The following NIPA2 variants were observed in gnomAD, a reference collection of about 807,000 sequenced individuals.
The protein encoded by NIPA2 is NIPA magnesium transporter 2, also known as magnesium transporter NIPA2.
In NIPA2, 11 loss-of-function variants were observed where a neutral mutation model predicts 29.7. The observed-to-expected ratio is 0.37, with a 90% confidence interval of 0.23 to 0.61. The LOEUF is 0.61. Ranked by LOEUF, NIPA2 falls within the 20% of genes least tolerant of loss-of-function variation. The pLI, the probability that NIPA2 is intolerant of heterozygous loss-of-function variation, is 0.66. For missense variants in NIPA2, 426 were observed against 437.9 expected (o/e 0.97, Z 0.24); for synonymous variants, 183 against 161.9 (o/e 1.13, Z -0.99).
At chr15:22,847,621 C>T (rs988263311) in intron 3 of NIPA2, among the ~76,000 whole-genome samples, 4 of 151,914 alleles carry the variant, frequency 2.6e-5, no homozygotes, top group East Asian at 3.9e-4. Flanking sequence ...CCCGCCACTG[C>T]GCCAGCTAAT....
chr15:22,866,284 GGACA>G lies in NIPA2; in HGVS notation c.525_528del (p.Asn177PhefsTer5), dbSNP rs1566875909. On this transcript the variant is annotated frameshift_variant, in exon 8 of 8. Coordinates refer to ENST00000337451, the MANE Select transcript of NIPA2 (RefSeq NM_030922.7). LOFTEE classifies it high-confidence loss of function. ...AATCTTCGTGGTGGGTCCTCGCCATGGACAGACAAACATTCTTGTGTACATAACA... is the reference window on the plus strand; with the variant it reads ...AATCTTCGTGGTGGGTCCTCGCCATGGACAAACATTCTTGTGTACATAACA... The G allele has an allele frequency of 4.3e-6, 7 of 1,613,892 alleles. No homozygotes were observed. The highest frequency in any genetic ancestry group is 2.2e-5 in the East Asian group (1 of 44,872).
rs142109995 is a variant in NIPA2, at chr15:22,858,002, C to T, written c.197-538C>T. On this transcript the variant is annotated intron_variant, in intron 5 of 7. Coordinates refer to ENST00000337451, the MANE Select transcript of NIPA2 (RefSeq NM_030922.7). ...CCTTATGTCAGCATGAGCTAGATTT[C>T]TTCCGTTAGATTTACAGATATGTGT... Among the ~76,000 whole-genome samples the T allele has an allele frequency of 2.2e-3, 338 of 152,266 alleles. 1 individual carries two copies. The highest frequency in any genetic ancestry group is 7.6e-3 in the African/African-American group (317 of 41,546).
At position 22,868,231 on chromosome 15, in the gene NIPA2, A is replaced by G. The variant is rs2059277518; in HGVS notation, c.*1384A>G. 6.6e-6 allele frequency: 1 copy of G among 152,188 alleles called. No individual in the cohort carries two copies. Among genetic ancestry groups the G allele is most frequent in the Non-Finnish European group, 1.5e-5 (1 of 68,036 alleles). The allele number at this position is 152,188 out of a possible 1,614,324, so 9.4% of individuals were successfully genotyped here. A position where few individuals can be genotyped will look rare whatever the true frequency, so the allele number is the denominator to read the frequency against. ...ATGTTTTTTCTAACTGCCTCCTCCCATGCCATTTTAATACTACAGATGTAC... is the reference window on the plus strand; with the variant it reads ...ATGTTTTTTCTAACTGCCTCCTCCCGTGCCATTTTAATACTACAGATGTAC... On this transcript the variant is annotated 3_prime_UTR_variant, in exon 8 of 8. Coordinates refer to ENST00000337451, the MANE Select transcript of NIPA2 (RefSeq NM_030922.7).
Position 22,843,520 on chromosome 15 carries a change from A to G in NIPA2, c.-215-1626A>G, listed in dbSNP as rs113569926. On this transcript the variant is annotated intron_variant, in intron 2 of 7. Transcript: ENST00000337451. ...GACTCCATCTAAAAAAAAAAAAAAA[A>G]TCTCTGGACCTGGTTCCTCATTGTG... 2.0e-5 allele frequency among the ~76,000 whole-genome samples: 3 copies of G among 149,042 alleles called. 1 individual carries two copies. The highest frequency in any genetic ancestry group is 1.4e-4 in the Admixed American group (2 of 14,772).
Position 22,855,555 on chromosome 15 carries a change from C to T in NIPA2, c.196+2287C>T, listed in dbSNP as rs543698403. On this transcript the variant is annotated intron_variant, in intron 5 of 7. Transcript: ENST00000337451. ...GTGAGAGGAAAAGACTGAAAAATCT[C>T]CACCCACATGAAGCTTACATTCTAG... 2.6e-5 allele frequency among the ~76,000 whole-genome samples: 4 copies of T among 152,092 alleles called. No individual in the cohort carries two copies. The South Asian group carries it at 8.3e-4, about 32-fold the overall frequency.
chr15:22,849,872 G>A (rs950156051), intron 3 of NIPA2, among the ~76,000 whole-genome samples: 1 of 151,962 alleles, frequency 6.6e-6, no homozygotes, highest in Non-Finnish European at 1.5e-5. Flanking sequence ...CAGTGTTTCA[G>A]TATTATTTTG....
intron 3 of NIPA2, among the ~76,000 whole-genome samples, chr15:22,848,197 T>C (rs2057424554): frequency 6.6e-6 from 1 of 152,140 alleles, no homozygotes; most frequent in African/African-American, 2.4e-5. Flanking sequence ...CTGAAGCGTT[T>C]GGGTAGCTCG....
chr15:22,843,388 C>T (rs1351345467), intron 2 of NIPA2, among the ~76,000 whole-genome samples: 1 of 151,476 alleles, frequency 6.6e-6, no homozygotes, highest in Non-Finnish European at 1.5e-5. Context: ...TGCCTGTAGT[C>T]CCAGCTACTC....
At position 22,867,977 on chromosome 15, in the gene NIPA2, A is replaced by AAAG. The variant is rs1253735916; in HGVS notation, c.*1131_*1133dup. 5.9e-5 allele frequency: 9 copies of AAAG among 152,366 alleles called. No individual in the cohort carries two copies. The highest frequency in any genetic ancestry group is 3.9e-4 in the Admixed American group (6 of 15,308). The allele number at this position is 152,366 out of a possible 1,614,324, so 9.4% of individuals were successfully genotyped here. ...ATAACCATTGACTGGCCTTTAAAAA[A>AAAG]AAGTATTGGCAGAATTAATTTCCAC... On this transcript the variant is annotated 3_prime_UTR_variant, in exon 8 of 8. Coordinates refer to ENST00000337451, the MANE Select transcript of NIPA2 (RefSeq NM_030922.7).
chr15:22,866,084 A>C lies in NIPA2; in HGVS notation c.449-129A>C, dbSNP rs17806422. 106,658 of 753,264 alleles carry C rather than the reference A, an allele frequency of 0.14. 8,600 individuals are homozygous for C. Among genetic ancestry groups the C allele is most frequent in the Admixed American group, 0.29 (9,742 of 33,870 alleles). The allele number at this position is 753,264 out of a possible 1,614,324, so 46.7% of individuals were successfully genotyped here. A position where few individuals can be genotyped will look rare whatever the true frequency, so the allele number is the denominator to read the frequency against. ...TGGTTGCATTTCTGCTTGGGCTGCA[A>C]AATAAAGCTGATTTTTATTTCCAGG... On this transcript the variant is annotated intron_variant, in intron 7 of 7. Coordinates refer to ENST00000337451, the MANE Select transcript of NIPA2 (RefSeq NM_030922.7).
chr15:22,859,332 G>A (rs1226316272), intron 6 of NIPA2, among the ~76,000 whole-genome samples: 4 of 121,428 alleles, frequency 3.3e-5, no homozygotes, highest in Non-Finnish European at 6.3e-5. Context: ...TTGCTCTGTC[G>A]CCCACGCTGG....
At chr15:22,858,477 G>T (rs777626719) in intron 5 of NIPA2, 63 bp from the exon 6 acceptor site, 2 of 949,768 alleles carry the variant, frequency 2.1e-6, no homozygotes, top group Non-Finnish European at 3.3e-6. Context: ...ATAAAATGCC[G>T]GCATTTCCAA....
At chr15:22,846,818 A>AATTAGTAAT (rs34966379) in intron 3 of NIPA2, among the ~76,000 whole-genome samples, 1 of 135,854 alleles carries the variant, frequency 7.4e-6, no homozygotes, top group Non-Finnish European at 1.6e-5. Context: ...CCTGTCTCCA[A>AATTAGTAAT]AATAATAATA....
At chr15:22,843,287 G>A (rs1322932484) in intron 2 of NIPA2, among the ~76,000 whole-genome samples, 127 of 151,876 alleles carry the variant, frequency 8.4e-4, no homozygotes, top group African/African-American at 3.0e-3. Context: ...GTTGGATCAC[G>A]AGGTCAGGAG....
chr15:22,842,655 C>G (rs549301514), intron 2 of NIPA2, among the ~76,000 whole-genome samples: 36 of 152,012 alleles, frequency 2.4e-4, no homozygotes, highest in Non-Finnish European at 4.9e-4. Context: ...ATGGCGAAAC[C>G]CCATCTCTAC....
At chr15:22,863,252 G>A (rs909362044) in intron 7 of NIPA2, among the ~76,000 whole-genome samples, 2 of 151,748 alleles carry the variant, frequency 1.3e-5, no homozygotes, top group African/African-American at 2.4e-5. Flanking sequence ...CCTAATTTTT[G>A]TATCTTTTTT....
chr15:22,866,795 AAC>A lies in NIPA2; in HGVS notation c.1036_1037del (p.Thr346TrpfsTer2), dbSNP rs1566881578. 3 of 1,608,772 alleles carry A rather than the reference AAC, an allele frequency of 1.9e-6. No individual in the cohort carries two copies. Among genetic ancestry groups the A allele is most frequent in the Non-Finnish European group, 2.5e-6 (3 of 1,176,946 alleles). ...GAAAGCTTAACCTGTGGAATCGAAC[AAC>A]ACACTGGTGAAAATGTCTCCCGAAG... On this transcript the variant is annotated frameshift_variant, in exon 8 of 8. Transcript: ENST00000337451. LOFTEE classifies it high-confidence loss of function.
rs924533820 is a variant in NIPA2, at chr15:22,864,860, C to T, written c.449-1353C>T. Among the ~76,000 whole-genome samples, 50 of 151,214 alleles carry T rather than the reference C, an allele frequency of 3.3e-4. 1 individual carries two copies. Among genetic ancestry groups the T allele is most frequent in the Middle Eastern group, 3.4e-3 (1 of 294 alleles). Reference sequence around the variant, plus strand: ...TTTCTGACTTACGAAGGATTGTTATCTTCGGTCCTCTCTTTTTTCTTGAGA... The same window carrying T: ...TTTCTGACTTACGAAGGATTGTTATTTTCGGTCCTCTCTTTTTTCTTGAGA... On this transcript the variant is annotated intron_variant, in intron 7 of 7. Transcript: ENST00000337451.
At position 22,844,618 on chromosome 15, in the gene NIPA2, C is replaced by T. The variant is rs188262697; in HGVS notation, c.-215-528C>T. Among the ~76,000 whole-genome samples, 10 of 151,960 alleles carry T rather than the reference C, an allele frequency of 6.6e-5. No individual in the cohort carries two copies. The East Asian group carries it at 7.7e-4, about 12-fold the overall frequency. ...CAGAACAAAAAAATTAGCTAGGTGT[C>T]GTGGTATACGCCTGTGGTCCTGTTG... On this transcript the variant is annotated intron_variant, in intron 2 of 7. Coordinates refer to ENST00000337451, the MANE Select transcript of NIPA2 (RefSeq NM_030922.7).
Sources: gnomAD v4.1 joint callset for allele counts (sites outside exome capture counted in the v4.1 genomes callset) on GRCh38, gnomAD v4.1.1 for gene constraint, MANE v1.5 for transcripts, NCBI Gene and HGNC (gene_info 2026-07-23, HGNC 2026-07-21) for gene names.